The following MAP9 variants were observed in gnomAD, a reference collection of about 807,000 sequenced individuals.
The protein encoded by MAP9 is microtubule-associated protein 9.
In MAP9, 80 loss-of-function variants were observed where a neutral mutation model predicts 75.2. The observed-to-expected ratio is 1.06, with a 90% CI of 0.89 to 1.28. MAP9 has a LOEUF of 1.28. MAP9 is among the 50% of genes most tolerant of loss of function. MAP9 has a pLI of 0.00. For missense variants in MAP9, 753 were observed against 719.9 expected, an observed-to-expected ratio of 1.05 and a Z score of -0.53; for synonymous variants, 235 against 237.3, an observed-to-expected ratio of 0.99 and a Z score of 0.09.
At position 155,368,729 on chromosome 4, in the gene MAP9, C is replaced by A; in HGVS notation, c.565G>T (p.Glu189Ter). 2 of 1,614,098 alleles carry A rather than the reference C, an allele frequency of 1.2e-6. No homozygotes were observed. The highest frequency in any genetic ancestry group is 1.7e-6 in the Non-Finnish European group (2 of 1,179,934). ...RSMLKKKSHM[E>*]EKDGLEDKET... ...TTATCTTCTAGTCCATCCTTCTCCT[C>A]CATGTGACTTTTCTTTTTCAACATA... Residue 189 changes from glutamate (E) to a stop codon, truncating the protein, a stop_gained, in exon 5 of 14, where the codon GAG (glutamate) becomes TAG (stop). Transcript: ENST00000311277. LOFTEE classifies it high-confidence loss of function.
intron 4 of MAP9, among the ~76,000 whole-genome samples, chr4:155,370,548 T>A (rs989365457): frequency 6.6e-6 from 1 of 152,304 alleles, no homozygotes; most frequent in East Asian, 1.9e-4. Context: ...CTGCCTAGAA[T>A]ATCCACTTCC....
At chr4:155,364,882 T>C (rs1338918567) in intron 5 of MAP9, among the ~76,000 whole-genome samples, 2 of 151,284 alleles carry the variant, frequency 1.3e-5, no homozygotes, top group Admixed American at 1.3e-4. Flanking sequence ...CAAACAAATA[T>C]AGATAAAAGG....
At chr4:155,361,705 T>C (rs544164194) in intron 6 of MAP9, among the ~76,000 whole-genome samples, 36 of 152,186 alleles carry the variant, frequency 2.4e-4, no homozygotes, top group African/African-American at 8.7e-4. Context: ...AGCTATTATG[T>C]TGTCCTGCAG....
At chr4:155,372,671 T>C (rs529813185) in intron 4 of MAP9, among the ~76,000 whole-genome samples, 1 of 152,174 alleles carries the variant, frequency 6.6e-6, no homozygotes, top group African/African-American at 2.4e-5. Flanking sequence ...TATACAAATG[T>C]CAAGAAAATT....
In MAP9 at chr4:155,362,066, C is replaced by T; in HGVS notation, c.784G>A (p.Gly262Arg). The part of the protein sequence containing the change: ...LGDSFSPGSE[G>R]NASGKDPNEE... ...TAACCACCTTTTCCAGATGCGTTTC[C>T]CTCAGATCCTGGTGAAAAAGAATCT... Residue 262 changes from glycine to arginine, a missense_variant, in exon 6 of 14, where the codon GGA becomes AGA. By Grantham distance (125) the Gly-to-Arg change is moderately radical (BLOSUM62 -2). Coordinates refer to ENST00000311277, the MANE Select transcript of MAP9 (RefSeq NM_001039580.2). 6.3e-7 allele frequency: 1 copy of T among 1,598,576 alleles called. No individual in the cohort carries two copies. Among genetic ancestry groups the T allele is most frequent in the Non-Finnish European group, 8.5e-7 (1 of 1,172,076 alleles).
chr4:155,360,474 T>C, intron 6 of MAP9, 59 bp from the exon 7 acceptor site: 3 of 1,474,994 alleles, frequency 2.0e-6, no homozygotes, highest in Non-Finnish European at 2.7e-6. Flanking sequence ...AGGTAAATAC[T>C]TGATTCATTT....
At chr4:155,373,078 CTGAT>C (rs1234191578) in intron 4 of MAP9, 54 bp downstream of exon 4, 2 of 1,218,398 alleles carry the variant, frequency 1.6e-6, no homozygotes, top group Non-Finnish European at 2.2e-6. Flanking sequence ...AATTTTGGGA[CTGAT>C]TATCTTAAAA....
Position 155,347,834 on chromosome 4 carries a change from T to C in MAP9, c.1893A>G (p.Ala631=). 6.2e-7 allele frequency: 1 copy of C among 1,609,338 alleles called. No individual in the cohort carries two copies. The highest frequency in any genetic ancestry group is 8.5e-7 in the Non-Finnish European group (1 of 1,177,022). The change falls in exon 14 of 14, where the codon GCA becomes GCG. Residue 631 remains alanine, a synonymous_variant. Transcript: ENST00000311277. ...KKRHSFLESE[A]LPPWSPPSRT... ...TGCTTGGAGGGCTCCACGGAGGAAG[T>C]GCCTCACTTTCAAGAAAGGAATGAC...
intron 4 of MAP9, among the ~76,000 whole-genome samples, chr4:155,372,808 A>C (rs1393499755): frequency 2.0e-5 from 3 of 152,316 alleles, no homozygotes; most frequent in Non-Finnish European, 4.4e-5. Context: ...CTACAAACAA[A>C]ACTGAAGCTC....
intron 5 of MAP9, among the ~76,000 whole-genome samples, chr4:155,367,836 T>C (rs1732398723): frequency 6.6e-6 from 1 of 152,234 alleles, no homozygotes; most frequent in African/African-American, 2.4e-5. Flanking sequence ...GAGCAGATCC[T>C]TAAGCACCAA....
chr4:155,347,524 T>G lies in MAP9; in HGVS notation c.*259A>C. The G allele has an allele frequency of 3.2e-6, 1 of 310,528 alleles. No homozygotes were observed. Among genetic ancestry groups the G allele is most frequent in the Non-Finnish European group, 5.8e-6 (1 of 171,832 alleles). 19.2% of individuals were successfully genotyped at this position (310,528 alleles called of 1,614,324 possible). On this transcript the variant is annotated 3_prime_UTR_variant, in exon 14 of 14. Coordinates refer to ENST00000311277, the MANE Select transcript of MAP9 (RefSeq NM_001039580.2). ...TCATGAATCACTCCACCATAAGAAT[T>G]ATCAGGACATGATAAAATCTTATGT...
At chr4:155,363,703 C>T (rs1578851242) in intron 5 of MAP9, among the ~76,000 whole-genome samples, 2 of 152,096 alleles carry the variant, frequency 1.3e-5, no homozygotes, top group East Asian at 3.9e-4. Flanking sequence ...TTTGCTGGGC[C>T]ATTAAAACAA....
chr4:155,371,831 T>C (rs963884309), intron 4 of MAP9, among the ~76,000 whole-genome samples: 10 of 152,220 alleles, frequency 6.6e-5, no homozygotes, highest in Non-Finnish European at 1.2e-4. Flanking sequence ...TTGCTATATA[T>C]GCTCGCATTT....
chr4:155,376,405 G>C (rs566918668), intron 1 of MAP9: 1 of 152,414 alleles, frequency 6.6e-6, no homozygotes, highest in South Asian at 2.1e-4. Context: ...TGTATTGCAA[G>C]CCAATTTTTC....
rs1158732347 is a variant in MAP9 at position 155,353,256 on chromosome 4, C to T, written c.1465G>A (p.Ala489Thr). The change falls in exon 11 of 14, where the codon GCC (alanine) becomes ACC (threonine). Residue 489 changes from alanine to threonine, a missense_variant. Coordinates refer to ENST00000311277, the MANE Select transcript of MAP9 (RefSeq NM_001039580.2). ...TTTTTTTCTTCAAGCCTCTTTTTGG[C>T]AGCTATTTTCTTTGCTTCCTTTTCT... is the stretch of plus-strand genomic sequence containing the variant. ...MKEKEAKKIAAKKRLEEKNKK... is the reference protein window; with the variant it reads ...MKEKEAKKIATKKRLEEKNKK... 1 of 1,609,008 alleles carries T rather than the reference C, an allele frequency of 6.2e-7. No individual in the cohort carries two copies. The highest frequency in any genetic ancestry group is 8.5e-7 in the Non-Finnish European group (1 of 1,178,212).
chr4:155,353,225 T>G lies in MAP9; in HGVS notation c.1496A>C (p.Lys499Thr), dbSNP rs1058992. 6.2e-7 allele frequency: 1 copy of G among 1,605,736 alleles called. No individual in the cohort carries two copies. The highest frequency in any genetic ancestry group is 8.5e-7 in the Non-Finnish European group (1 of 1,177,076). The change falls in exon 11 of 14, where the codon AAG (lysine) becomes ACG (threonine). Residue 499 changes from lysine to threonine, a missense_variant. Physicochemically the swap from Lys to Thr is moderately conservative, Grantham distance 78. Transcript: ENST00000311277. The stretch of plus-strand genomic sequence containing the variant: ...TGCAGCATTTTCTTCTTCAGTTTTC[T>G]TCTTGTTTTTTTCTTCAAGCCTCTT... ...AKKRLEEKNK[K>T]KTEEENAARK...
intron 4 of MAP9, 126 bp from the exon 5 acceptor site, chr4:155,368,938 A>G: frequency 2.8e-6 from 2 of 707,370 alleles, no homozygotes; most frequent in Non-Finnish European, 4.7e-6. Flanking sequence ...AAGAGTCCAG[A>G]TGAAGCCCAC....
chr4:155,368,249 C>T (rs902619769), intron 5 of MAP9: 1 of 401,538 alleles, frequency 2.5e-6, no homozygotes, highest in Non-Finnish European at 4.4e-6. Context: ...TAAAGATAAA[C>T]ACTATTATAT....
chr4:155,357,321 AT>A, intron 8 of MAP9, 127 bp downstream of exon 8: 1 of 683,178 alleles, frequency 1.5e-6, no homozygotes, highest in East Asian at 2.7e-5. Flanking sequence ...AACTACTTTC[AT>A]TTTATGAAAT....
Sources: allele counts gnomAD v4.1 joint callset (sites outside exome capture counted in the v4.1 genomes callset), GRCh38; gene constraint gnomAD v4.1.1; transcripts MANE v1.5; gene names NCBI Gene and HGNC (gene_info 2026-07-23, HGNC 2026-07-21).